CNBD1: variants seen among roughly 807,000 people sequenced by gnomAD.
CNBD1 encodes the protein cyclic nucleotide binding domain containing 1.
In CNBD1, 71 loss-of-function variants were observed where a neutral mutation model predicts 54.4. The ratio of observed to expected loss-of-function variants is 1.30; its 90% CI spans 1.08 to 1.59. The LOEUF is 1.59. Ranked by LOEUF, CNBD1 falls within the 40% of genes most tolerant of loss-of-function variation. CNBD1 has a pLI of 0.00. For missense variants in CNBD1, 659 were observed against 518.0 expected (o/e 1.27, Z -2.64); for synonymous variants, 182 against 170.7 (o/e 1.07, Z -0.51).
At chr8:87,070,510 T>TA (rs1237576814) in intron 4 of CNBD1, among the ~76,000 whole-genome samples, 1 of 152,128 alleles carries the variant, frequency 6.6e-6, no homozygotes, top group Non-Finnish European at 1.5e-5. Context: ...GGCACACTTT[T>TA]AAAAAAGACA....
At chr8:86,956,005 G>T (rs949804163) in intron 4 of CNBD1, among the ~76,000 whole-genome samples, 6 of 152,100 alleles carry the variant, frequency 3.9e-5, no homozygotes, top group Admixed American at 1.3e-4. Flanking sequence ...ATTAATTTTT[G>T]TATAAGGTGT....
chr8:87,380,205 G>A (rs905313724), intron 10 of CNBD1, among the ~76,000 whole-genome samples: 3 of 151,932 alleles, frequency 2.0e-5, no homozygotes, highest in South Asian at 2.1e-4. Flanking sequence ...AATGTCAAAT[G>A]TCAAGATAGA....
At chr8:87,124,328 C>A (rs1054136060) in intron 4 of CNBD1, among the ~76,000 whole-genome samples, 1 of 151,584 alleles carries the variant, frequency 6.6e-6, no homozygotes, top group African/African-American at 2.4e-5. Flanking sequence ...CAAGACAAAT[C>A]TTAATAAATT....
intron 1 of CNBD1, among the ~76,000 whole-genome samples, chr8:86,883,022 G>A (rs1370416078): frequency 6.6e-6 from 1 of 152,096 alleles, no homozygotes; most frequent in East Asian, 1.9e-4. Context: ...ACTTACTGGA[G>A]GGTGGAAGGT....
chr8:87,349,694 T>C (rs1810245959), intron 8 of CNBD1, among the ~76,000 whole-genome samples: 1 of 152,212 alleles, frequency 6.6e-6, no homozygotes, highest in South Asian at 2.1e-4. Context: ...GATTTTTATA[T>C]GTATTTGAAT....
At chr8:86,972,186 G>A (rs964085187) in intron 4 of CNBD1, among the ~76,000 whole-genome samples, 13 of 152,184 alleles carry the variant, frequency 8.5e-5, no homozygotes, top group East Asian at 1.9e-4. Flanking sequence ...TCCTGACCTC[G>A]TGATCCACCC....
chr8:86,892,803 C>T (rs185357248), intron 2 of CNBD1, among the ~76,000 whole-genome samples: 1 of 151,926 alleles, frequency 6.6e-6, no homozygotes, highest in Non-Finnish European at 1.5e-5. Context: ...TTTTTTCACT[C>T]ACAGGATGTT....
At chr8:87,272,996 G>A (rs1808398642) in intron 6 of CNBD1, among the ~76,000 whole-genome samples, 1 of 151,710 alleles carries the variant, frequency 6.6e-6, no homozygotes, top group African/African-American at 2.4e-5. Context: ...AGTATGGAGG[G>A]GCAATTCTAC....
chr8:87,266,436 A>AATATTT (rs71503464), intron 6 of CNBD1, among the ~76,000 whole-genome samples: 5 of 76,224 alleles, frequency 6.6e-5, no homozygotes, highest in Non-Finnish European at 9.4e-5. Flanking sequence ...AAAAAAAAAA[A>AATATTT]TCTTTTTTTT....
intron 2 of CNBD1, among the ~76,000 whole-genome samples, chr8:87,410,412 G>C (rs935822860): frequency 6.6e-6 from 1 of 152,142 alleles, no homozygotes; most frequent in African/African-American, 2.4e-5. Flanking sequence ...AGAATGTGGT[G>C]ATTCATGGGA....
At chr8:87,202,173 C>T (rs78319337) in intron 4 of CNBD1, among the ~76,000 whole-genome samples, 5,363 of 145,846 alleles carry the variant, frequency 0.037, 312 homozygotes, top group African/African-American at 0.11. Flanking sequence ...GTAAAAGCAA[C>T]GATTATTTTC....
chr8:87,230,055 C>A (rs1464383441), intron 5 of CNBD1, among the ~76,000 whole-genome samples: 2 of 152,138 alleles, frequency 1.3e-5, no homozygotes, highest in African/African-American at 4.8e-5. Flanking sequence ...CCTCAGGAAA[C>A]TAACAATCAT....
At chr8:87,260,918 T>C (rs1808127690) in intron 6 of CNBD1, among the ~76,000 whole-genome samples, 1 of 152,134 alleles carries the variant, frequency 6.6e-6, no homozygotes, top group Non-Finnish European at 1.5e-5. Flanking sequence ...GGCTTTACTC[T>C]CAGGTTCTCT....
intron 6 of CNBD1, among the ~76,000 whole-genome samples, chr8:87,276,239 G>C (rs1250214551): frequency 2.0e-5 from 3 of 151,738 alleles, no homozygotes; most frequent in African/African-American, 7.3e-5. Context: ...TTCCTTGGAT[G>C]TTACCAATGC....
intron 3 of CNBD1, among the ~76,000 whole-genome samples, chr8:86,927,481 T>G (rs1187571556): frequency 1.3e-5 from 2 of 152,088 alleles, no homozygotes; most frequent in Non-Finnish European, 2.9e-5. Context: ...ACTCTGAAGT[T>G]ACTATGATCA....
At chr8:87,102,831 G>A (rs1175385884) in intron 4 of CNBD1, among the ~76,000 whole-genome samples, 1 of 152,038 alleles carries the variant, frequency 6.6e-6, no homozygotes, top group East Asian at 1.9e-4. Flanking sequence ...AGCCAGGATG[G>A]TCTCAATCTC....
chr8:86,975,494 G>T (rs1460719529), intron 4 of CNBD1, among the ~76,000 whole-genome samples: 3 of 151,786 alleles, frequency 2.0e-5, no homozygotes, highest in African/African-American at 7.3e-5. Context: ...AACTTTTTGT[G>T]CCTGGTTTAT....
chr8:87,337,337 C>T (rs1809965353), intron 8 of CNBD1, among the ~76,000 whole-genome samples: 1 of 152,188 alleles, frequency 6.6e-6, no homozygotes, highest in Non-Finnish European at 1.5e-5. Context: ...GGGACTTCTG[C>T]TACCCCTCCA....
chr8:87,298,723 A>C (rs997860296), intron 8 of CNBD1, among the ~76,000 whole-genome samples: 2 of 151,524 alleles, frequency 1.3e-5, no homozygotes, highest in South Asian at 4.2e-4. Flanking sequence ...TGACCTTGTG[A>C]TTTGCCTTCC....
Sources: gnomAD v4.1 joint callset for allele counts (sites outside exome capture counted in the v4.1 genomes callset) on GRCh38, gnomAD v4.1.1 for gene constraint, MANE v1.5 for transcripts, NCBI Gene and HGNC (gene_info 2026-07-23, HGNC 2026-07-21) for gene names.